Variants in REDIC1 observed in about 807,000 individuals in gnomAD.
The protein encoded by REDIC1 is regulator of DNA class I crossover intermediates 1, also known as HEI10 Interacting Protein 1.
At chr12:39,725,706 T>C in the REDIC1 span, among the ~76,000 whole-genome samples, 2 of 151,852 alleles carry the variant, frequency 1.3e-5, no homozygotes. Flanking sequence ...TTTTAGGATG[T>C]TGACTGATTG....
At chr12:39,753,073 C>T in the REDIC1 span, among the ~76,000 whole-genome samples, 11 of 152,290 alleles carry the variant, frequency 7.2e-5, no homozygotes, top group South Asian at 8.3e-4. Context: ...GCTGCTCTAA[C>T]GTATGTTTTG....
At chr12:39,748,558 A>C in the REDIC1 span, among the ~76,000 whole-genome samples, 1 of 152,204 alleles carries the variant, frequency 6.6e-6, no homozygotes. Context: ...TCAGCTCTGC[A>C]CCAAGCAGAC....
the REDIC1 span, chr12:39,908,111 CTTAA>C: frequency 6.6e-6 from 1 of 151,938 alleles, no homozygotes; most frequent in African/African-American, 2.4e-5. Context: ...CACTTTTTCT[CTTAA>C]TTTATTCTGA....
At chr12:39,864,665 C>A in the REDIC1 span, 2 of 1,479,740 alleles carry the variant, frequency 1.4e-6, no homozygotes, top group South Asian at 1.4e-5. Context: ...GGATGCCCAG[C>A]AAGCTCCTAC....
the REDIC1 span, among the ~76,000 whole-genome samples, chr12:39,681,333 G>A: frequency 1.3e-5 from 2 of 152,088 alleles, no homozygotes; most frequent in South Asian, 2.1e-4. Flanking sequence ...GGGTGGAGGA[G>A]GGATGAGGGA....
At chr12:39,641,262 A>C in the REDIC1 span, among the ~76,000 whole-genome samples, 4 of 151,870 alleles carry the variant, frequency 2.6e-5, no homozygotes, top group Non-Finnish European at 4.4e-5. Flanking sequence ...TAATTTAAAT[A>C]ATCATTTATT....
the REDIC1 span, chr12:39,755,970 T>C: frequency 2.0e-5 from 3 of 152,050 alleles, no homozygotes; most frequent in Non-Finnish European, 2.9e-5. Context: ...AAAGAGTTGG[T>C]AGCAGTTAGC....
chr12:39,818,756 A>G, the REDIC1 span, among the ~76,000 whole-genome samples: 2 of 152,182 alleles, frequency 1.3e-5, no homozygotes, highest in Non-Finnish European at 2.9e-5. Flanking sequence ...ATAAATGTAG[A>G]TGTTTCATAT....
the REDIC1 span, among the ~76,000 whole-genome samples, chr12:39,806,815 T>C: frequency 6.6e-6 from 1 of 152,134 alleles, no homozygotes; most frequent in Non-Finnish European, 1.5e-5. Flanking sequence ...GAGTTAAAAT[T>C]GGAAACAACC....
the REDIC1 span, chr12:39,721,079 T>C: frequency 6.2e-7 from 1 of 1,613,762 alleles, no homozygotes; most frequent in South Asian, 1.1e-5. Context: ...GATGCAGGGA[T>C]ACAAACAGAG....
chr12:39,725,483 T>C, the REDIC1 span, among the ~76,000 whole-genome samples: 1 of 152,168 alleles, frequency 6.6e-6, no homozygotes, highest in Non-Finnish European at 1.5e-5. Flanking sequence ...GGCCTTCTTA[T>C]AGACTTCATA....
At chr12:39,686,001 G>A in the REDIC1 span, among the ~76,000 whole-genome samples, 3 of 152,224 alleles carry the variant, frequency 2.0e-5, no homozygotes, top group Non-Finnish European at 2.9e-5. Flanking sequence ...TGTAAGAGGT[G>A]GATTCCAAAA....
chr12:39,770,442 G>T, the REDIC1 span, among the ~76,000 whole-genome samples: 1 of 152,130 alleles, frequency 6.6e-6, no homozygotes, highest in South Asian at 2.1e-4. Flanking sequence ...TCATTCAAAA[G>T]CTTATATAAT....
At chr12:39,713,990 T>C in the REDIC1 span, among the ~76,000 whole-genome samples, 6 of 147,242 alleles carry the variant, frequency 4.1e-5, 1 homozygote, top group Non-Finnish European at 9.0e-5. Context: ...TATATATACA[T>C]GTATGTACAC....
chr12:39,876,112 C>G, the REDIC1 span, among the ~76,000 whole-genome samples: 1 of 152,196 alleles, frequency 6.6e-6, no homozygotes, highest in Non-Finnish European at 1.5e-5. Flanking sequence ...CTTTGGTCAT[C>G]TCACACATAC....
the REDIC1 span, among the ~76,000 whole-genome samples, chr12:39,847,098 C>T: frequency 6.6e-6 from 1 of 152,156 alleles, no homozygotes. Context: ...TTTCTTGTCA[C>T]CTGCAAAGTT....
chr12:39,784,439 A>G, the REDIC1 span, among the ~76,000 whole-genome samples: 1 of 152,226 alleles, frequency 6.6e-6, no homozygotes, highest in African/African-American at 2.4e-5. Context: ...CAACCATCTG[A>G]TCTTTGACAA....
At chr12:39,720,961 T>G in the REDIC1 span, 2 of 1,613,692 alleles carry the variant, frequency 1.2e-6, no homozygotes, top group Non-Finnish European at 1.7e-6. Context: ...TTTCTACCAG[T>G]TCTCAGTGAA....
the REDIC1 span, among the ~76,000 whole-genome samples, chr12:39,844,099 C>T: frequency 6.6e-6 from 1 of 152,026 alleles, no homozygotes; most frequent in Non-Finnish European, 1.5e-5. Context: ...CTTACTTTCT[C>T]TCTTCATATT....
Sources: gnomAD v4.1 joint callset for allele counts (sites outside exome capture counted in the v4.1 genomes callset) on GRCh38, gnomAD v4.1.1 for gene constraint, MANE v1.5 for transcripts, NCBI Gene and HGNC (gene_info 2026-07-23, HGNC 2026-07-21) for gene names.